The following OR9Q1 variants were observed in gnomAD, a reference collection of about 807,000 sequenced individuals.
OR9Q1 encodes olfactory receptor 9Q1.
For missense variants in OR9Q1, 374 were observed against 378.8 expected (o/e 0.99, Z 0.11); for synonymous variants, 153 against 148.6 (o/e 1.03, Z -0.22).
At chr11:58,085,063 T>TA (rs1317424353) in intron 2 of OR9Q1, among the ~76,000 whole-genome samples, 1 of 151,898 alleles carries the variant, frequency 6.6e-6, no homozygotes, top group Non-Finnish European at 1.5e-5. Flanking sequence ...TTTTCAAAAA[T>TA]AAAACAATGT....
At chr11:58,058,508 T>C (rs1853348224) in intron 2 of OR9Q1, among the ~76,000 whole-genome samples, 1 of 152,190 alleles carries the variant, frequency 6.6e-6, no homozygotes. Flanking sequence ...CAAGCTGCCA[T>C]TCAGCAACTC....
chr11:58,146,602 T>G lies in OR9Q1; in HGVS notation c.-14-32829T>G, dbSNP rs74357134. On this transcript the variant is annotated intron_variant, in intron 2 of 2. Transcript: ENST00000335397. ...CACAGTTAATTAATTAATTATTAATTTTTACAATTTTGCAAAGTGAAACAA... is the reference window on the plus strand; with the variant it reads ...CACAGTTAATTAATTAATTATTAATGTTTACAATTTTGCAAAGTGAAACAA... 1.3e-3 allele frequency among the ~76,000 whole-genome samples: 198 copies of G among 152,302 alleles called. 3 individuals carry two copies. In the East Asian group the frequency reaches 0.035, roughly 27 times the overall value.
chr11:58,056,024 C>T (rs1211919794), intron 2 of OR9Q1, 77 bp downstream of exon 2: 1 of 152,166 alleles, frequency 6.6e-6, no homozygotes, highest in Non-Finnish European at 1.5e-5. Context: ...TGGACTAAGA[C>T]AACCTTCTTT....
At chr11:58,154,946 G>T (rs1235195987) in intron 2 of OR9Q1, among the ~76,000 whole-genome samples, 1 of 152,146 alleles carries the variant, frequency 6.6e-6, no homozygotes, top group Non-Finnish European at 1.5e-5. Flanking sequence ...TTAAGGTCCT[G>T]TATCAGCCAA....
chr11:58,114,645 G>A (rs547116026), intron 2 of OR9Q1, among the ~76,000 whole-genome samples: 16 of 152,280 alleles, frequency 1.1e-4, no homozygotes, highest in African/African-American at 3.4e-4. Flanking sequence ...TGCTCTTTGG[G>A]GAATGAGCAC....
chr11:58,132,163 A>G (rs1854147635), intron 2 of OR9Q1, among the ~76,000 whole-genome samples: 1 of 152,182 alleles, frequency 6.6e-6, no homozygotes, highest in South Asian at 2.1e-4. Context: ...ACTCTGTTCT[A>G]GTGTATTTCC....
At chr11:58,133,856 G>C (rs1854166030) in intron 2 of OR9Q1, among the ~76,000 whole-genome samples, 1 of 152,124 alleles carries the variant, frequency 6.6e-6, no homozygotes, top group African/African-American at 2.4e-5. Context: ...TTGTGGATGA[G>C]TAATTTCCCC....
intron 2 of OR9Q1, among the ~76,000 whole-genome samples, chr11:58,176,361 A>G (rs186022532): frequency 1.4e-3 from 219 of 152,326 alleles, no homozygotes; most frequent in African/African-American, 4.5e-3. Flanking sequence ...TTCTCCTCCT[A>G]TGTAGGTGCC....
intron 2 of OR9Q1, among the ~76,000 whole-genome samples, chr11:58,161,400 C>T (rs1309986268): frequency 7.2e-5 from 11 of 152,102 alleles, no homozygotes; most frequent in South Asian, 2.1e-4. Context: ...GAGGCAATGG[C>T]GTAATAGATG....
chr11:58,040,580 A>G (rs1363816067), intron 1 of OR9Q1: 1 of 152,242 alleles, frequency 6.6e-6, no homozygotes, highest in Non-Finnish European at 1.5e-5. Flanking sequence ...ATTAGACCAG[A>G]TGCTTCTATC....
At chr11:58,031,450 C>T in intron 1 of OR9Q1, 1 of 1,614,186 alleles carries the variant, frequency 6.2e-7, no homozygotes, top group South Asian at 1.1e-5. Flanking sequence ...CAATCTACCT[C>T]TTGTCTCAGC....
intron 2 of OR9Q1, among the ~76,000 whole-genome samples, chr11:58,143,741 C>G (rs1469786260): frequency 6.6e-6 from 1 of 152,016 alleles, no homozygotes; most frequent in African/African-American, 2.4e-5. Context: ...GGAAAAAAAG[C>G]TAATGCTTGC....
intron 2 of OR9Q1, among the ~76,000 whole-genome samples, chr11:58,081,404 C>A (rs1853585887): frequency 6.6e-6 from 1 of 152,168 alleles, no homozygotes; most frequent in African/African-American, 2.4e-5. Flanking sequence ...CTGTCTTCCA[C>A]AGTGATTGAA....
At chr11:58,141,481 T>C (rs1378525334) in intron 2 of OR9Q1, among the ~76,000 whole-genome samples, 5 of 152,206 alleles carry the variant, frequency 3.3e-5, no homozygotes, top group African/African-American at 9.6e-5. Context: ...GATAATCATA[T>C]GGTTTTTGTC....
chr11:58,094,828 T>C (rs955701847), intron 2 of OR9Q1, among the ~76,000 whole-genome samples: 3 of 152,180 alleles, frequency 2.0e-5, no homozygotes, highest in African/African-American at 4.8e-5. Context: ...CCTGCTATAG[T>C]TGTGTTTTAA....
In OR9Q1 at chr11:58,042,137, C is replaced by T. The variant is rs1230971433; in HGVS notation, c.-92-13733C>T. Among the ~76,000 whole-genome samples the T allele has an allele frequency of 5.3e-5, 8 of 152,282 alleles. No homozygotes were observed. In the South Asian group the frequency reaches 8.3e-4, roughly 16 times the overall value. On this transcript the variant is annotated intron_variant, in intron 1 of 2. Transcript: ENST00000335397. Reference sequence around the variant, plus strand: ...ACCCTTCTCTAAATAACAATATTAACAAAACTTAACAGTTTTGTATTCCAT... The same window carrying T: ...ACCCTTCTCTAAATAACAATATTAATAAAACTTAACAGTTTTGTATTCCAT...
At chr11:58,104,319 A>G (rs1249716291) in intron 2 of OR9Q1, among the ~76,000 whole-genome samples, 1 of 151,252 alleles carries the variant, frequency 6.6e-6, no homozygotes, top group African/African-American at 2.4e-5. Context: ...GATAAGAGAG[A>G]GAGAAAGGCC....
At chr11:58,130,051 A>G (rs1217319370) in intron 2 of OR9Q1, among the ~76,000 whole-genome samples, 1 of 152,144 alleles carries the variant, frequency 6.6e-6, no homozygotes, top group African/African-American at 2.4e-5. Context: ...CCCCGCATGC[A>G]TTAGGTATTT....
At chr11:58,093,739 G>A (rs1853705176) in intron 2 of OR9Q1, among the ~76,000 whole-genome samples, 2 of 111,432 alleles carry the variant, frequency 1.8e-5, no homozygotes, top group African/African-American at 3.6e-5. Flanking sequence ...CAGCCTGGAT[G>A]ACAGAGCGAG....
Sources: allele counts gnomAD v4.1 joint callset (sites outside exome capture counted in the v4.1 genomes callset), GRCh38; gene constraint gnomAD v4.1.1; transcripts MANE v1.5; gene names NCBI Gene and HGNC (gene_info 2026-07-23, HGNC 2026-07-21).